The following MAGI2 variants were observed in gnomAD, a reference collection of about 807,000 sequenced individuals.
MAGI2 encodes membrane-associated guanylate kinase, WW and PDZ domain-containing protein 2.
A neutral mutation model predicts 133.3 loss-of-function variants in MAGI2; 35 were observed. The observed-to-expected ratio is 0.26, with a 90% CI of 0.20 to 0.35. MAGI2 has a LOEUF of 0.35. Ranked by LOEUF, MAGI2 falls within the 10% of genes least tolerant of loss-of-function variation. MAGI2 has a pLI of 1.00. For synonymous variants in MAGI2, 729 were observed against 710.6 expected (o/e 1.03, Z -0.41); for missense variants, 1,636 against 1,863.4 (o/e 0.88, Z 2.25).
At chr7:78,255,209 G>A (rs1792843620) in intron 10 of MAGI2, 1 of 152,688 alleles carries the variant, frequency 6.5e-6, no homozygotes, top group African/African-American at 2.4e-5. Flanking sequence ...AAGGTAGAGG[G>A]GAAGAAACAT....
chr7:78,575,199 A>T (rs1421982010), intron 3 of MAGI2, among the ~76,000 whole-genome samples: 1 of 152,214 alleles, frequency 6.6e-6, no homozygotes, highest in Non-Finnish European at 1.5e-5. Context: ...AACTATCACT[A>T]TCATTCCATT....
At position 78,741,421 on chromosome 7, in the gene MAGI2, ACACACAC is replaced by A. The variant is rs1456320043; in HGVS notation, c.419-114189_419-114183del. On this transcript the variant is annotated intron_variant, in intron 2 of 21. Coordinates refer to ENST00000354212, the MANE Select transcript of MAGI2 (RefSeq NM_012301.4). ...CACACACACACACACACACACACAC[ACACACAC>A]GGGAGGGGGGTTAGATCATAAAAGG... Among the ~76,000 whole-genome samples, 466 of 107,576 alleles carry A rather than the reference ACACACAC, an allele frequency of 4.3e-3. 1 individual carries two copies. The highest frequency in any genetic ancestry group is 0.018 in the Middle Eastern group (4 of 222). 70.6% of individuals were successfully genotyped at this position (107,576 alleles called of 152,430 possible). A position where few individuals can be genotyped will look rare whatever the true frequency, so the allele number is the denominator to read the frequency against.
chr7:78,613,334 C>T (rs2150917701), intron 3 of MAGI2, among the ~76,000 whole-genome samples: 1 of 152,280 alleles, frequency 6.6e-6, no homozygotes, highest in African/African-American at 2.4e-5. Context: ...GAGCCATTGC[C>T]TTGTGGGTAC....
intron 9 of MAGI2, among the ~76,000 whole-genome samples, chr7:78,326,587 G>A (rs1231302163): frequency 6.6e-6 from 1 of 152,148 alleles, no homozygotes; most frequent in East Asian, 1.9e-4. Flanking sequence ...AAATGGACTC[G>A]ATCCCACTCA....
intron 3 of MAGI2, among the ~76,000 whole-genome samples, chr7:78,592,025 T>G (rs451167): frequency 0.9 from 137,472 of 152,186 alleles, 62,556 homozygotes; most frequent in Non-Finnish European, 0.95. Flanking sequence ...AGGAGTGAAG[T>G]GATAAAGAGA....
At chr7:78,572,179 A>G (rs1259571367) in intron 3 of MAGI2, among the ~76,000 whole-genome samples, 3 of 152,196 alleles carry the variant, frequency 2.0e-5, no homozygotes, top group East Asian at 1.9e-4. Context: ...GTGGTTCAGC[A>G]AAGACTTTCA....
At chr7:78,476,360 A>T (rs1791750803) in intron 6 of MAGI2, among the ~76,000 whole-genome samples, 2 of 152,128 alleles carry the variant, frequency 1.3e-5, no homozygotes, top group African/African-American at 4.8e-5. Context: ...TAAATTAGAA[A>T]AAGTTGAAAA....
intron 11 of MAGI2, among the ~76,000 whole-genome samples, chr7:78,196,317 C>T (rs949986113): frequency 1.3e-5 from 2 of 152,080 alleles, no homozygotes; most frequent in African/African-American, 4.8e-5. Context: ...GTCTACCCAG[C>T]CATGTCTCAA....
At chr7:78,764,599 A>G (rs1166236662) in intron 2 of MAGI2, among the ~76,000 whole-genome samples, 1 of 152,192 alleles carries the variant, frequency 6.6e-6, no homozygotes, top group Non-Finnish European at 1.5e-5. Context: ...GACAATTCAG[A>G]TGCCACTTAT....
At chr7:78,975,650 A>T (rs1373183301) in intron 2 of MAGI2, among the ~76,000 whole-genome samples, 1 of 151,656 alleles carries the variant, frequency 6.6e-6, no homozygotes, top group African/African-American at 2.4e-5. Context: ...AAGAGGAAGA[A>T]AGTAAATAAT....
chr7:78,994,865 C>G (rs375091564), intron 2 of MAGI2, among the ~76,000 whole-genome samples: 11 of 152,092 alleles, frequency 7.2e-5, no homozygotes, highest in African/African-American at 2.2e-4. Context: ...TCACCCCCAC[C>G]CTGATTTGCA....
At chr7:79,189,732 A>T (rs1260493837) in intron 1 of MAGI2, among the ~76,000 whole-genome samples, 2 of 151,790 alleles carry the variant, frequency 1.3e-5, no homozygotes, top group African/African-American at 4.8e-5. Context: ...ACAGTTTCAC[A>T]CAGAGTAGTT....
chr7:79,007,315 T>C (rs1000364916), intron 1 of MAGI2, 109 bp from the exon 2 acceptor site: 3 of 626,126 alleles, frequency 4.8e-6, no homozygotes, highest in Admixed American at 3.0e-5. Context: ...ATGCATTATT[T>C]CAAAGTGTTC....
At chr7:78,911,664 G>GTATA (rs71973554) in intron 2 of MAGI2, among the ~76,000 whole-genome samples, 6 of 149,008 alleles carry the variant, frequency 4.0e-5, no homozygotes, top group South Asian at 2.1e-4. Flanking sequence ...AATTATGTGT[G>GTATA]TATATATATA....
In MAGI2 at chr7:78,646,195, G is replaced by A. The variant is rs57058698; in HGVS notation, c.419-18956C>T. On this transcript the variant is annotated intron_variant, in intron 2 of 21. Coordinates refer to ENST00000354212, the MANE Select transcript of MAGI2 (RefSeq NM_012301.4). ...TTGTATCTGCAATATTTTATTAAAA[G>A]TGAAAAGATCTGGGCAAAGATAGAA... 5.5e-3 allele frequency among the ~76,000 whole-genome samples: 841 copies of A among 152,282 alleles called. 12 individuals are homozygous for A. Among genetic ancestry groups the A allele is most frequent in the African/African-American group, 0.02 (815 of 41,570 alleles).
chr7:78,640,250 T>A (rs899555551), intron 2 of MAGI2, among the ~76,000 whole-genome samples: 1 of 151,980 alleles, frequency 6.6e-6, no homozygotes, highest in African/African-American at 2.4e-5. Context: ...TGCTGGAAAT[T>A]TTTCCATAAA....
At chr7:78,145,299 T>A (rs940512906) in intron 16 of MAGI2, among the ~76,000 whole-genome samples, 6 of 152,192 alleles carry the variant, frequency 3.9e-5, no homozygotes, top group Non-Finnish European at 7.3e-5. Flanking sequence ...TATTACCTTT[T>A]CTTTTTGAAA....
At chr7:78,356,916 T>C (rs540313292) in intron 7 of MAGI2, among the ~76,000 whole-genome samples, 4 of 152,336 alleles carry the variant, frequency 2.6e-5, no homozygotes, top group African/African-American at 9.6e-5. Flanking sequence ...CATTTTGGGT[T>C]TAAGCTACAA....
intron 2 of MAGI2, among the ~76,000 whole-genome samples, chr7:78,931,788 AT>A (rs1800141021): frequency 6.6e-6 from 1 of 152,040 alleles, no homozygotes; most frequent in African/African-American, 2.4e-5. Context: ...AAAGCTATTG[AT>A]CTTTCCTTTC....
Sources: allele counts gnomAD v4.1 joint callset (sites outside exome capture counted in the v4.1 genomes callset), GRCh38; gene constraint gnomAD v4.1.1; transcripts MANE v1.5; gene names NCBI Gene and HGNC (gene_info 2026-07-23, HGNC 2026-07-21).